The following HECTD4 variants were observed in gnomAD, a reference collection of about 807,000 sequenced individuals.
HECTD4 encodes probable E3 ubiquitin-protein ligase HECTD4.
HECTD4 carries 114 observed loss-of-function variants against 471.5 expected under a neutral mutation model. The observed-to-expected ratio is 0.24, with a 90% CI of 0.21 to 0.28. HECTD4 has a LOEUF of 0.28. HECTD4 is among the 10% of genes least tolerant of loss of function. HECTD4 has a pLI of 1.00. For synonymous variants in HECTD4, 2,012 were observed against 2,256.0 expected (o/e 0.89, Z 3.07); for missense variants, 3,866 against 5,651.5 (o/e 0.68, Z 10.13).
rs564158724 is a variant in HECTD4 at position 112,228,773 on chromosome 12, C to T, written c.6558G>A (p.Val2186=). Residue 2186 remains valine (V), a synonymous_variant, in exon 42 of 76, where the codon GTG becomes GTA. Coordinates refer to ENST00000682272, the MANE Select transcript of HECTD4 (RefSeq NM_001388303.1). The surrounding 1 kb of genome is among the most constrained non-coding windows in gnomAD (Gnocchi z 4.9). The stretch of plus-strand genomic sequence containing the variant: ...TACCTTCCTGTTCATTGATAGAAGC[C>T]ACTACTCCAATGCTTCCTGAAATTC... ...GRGISGSIGV[V]ASINEQEGIA... The T allele has an allele frequency of 1.2e-6, 2 of 1,613,634 alleles. No individual in the cohort carries two copies. Among genetic ancestry groups the T allele is most frequent in the South Asian group, 2.2e-5 (2 of 91,022 alleles).
rs570884833 is a variant in HECTD4 at position 112,291,170 on chromosome 12, T to A, written c.1336-7868A>T. On this transcript the variant is annotated intron_variant, in intron 7 of 75. Transcript: ENST00000682272. Reference sequence around the variant, plus strand: ...AAAGAAACATGTAAAAAATGTTTCTTTACAAAATTTTTCTTAATACTAAAA... The same window carrying A: ...AAAGAAACATGTAAAAAATGTTTCTATACAAAATTTTTCTTAATACTAAAA... Among the ~76,000 whole-genome samples, 11 of 152,192 alleles carry A rather than the reference T, an allele frequency of 7.2e-5. No homozygotes were observed. The South Asian group carries it at 2.3e-3, about 32-fold the overall frequency.
Position 112,382,182 on chromosome 12 carries a change from G to A in HECTD4, c.-54C>T, listed in dbSNP as rs1270773776. 3.3e-6 allele frequency: 4 copies of A among 1,203,654 alleles called. No individual in the cohort carries two copies. The East Asian group carries it at 1.0e-4, about 30-fold the overall frequency. The allele number at this position is 1,203,654 out of a possible 1,614,324, so 74.6% of individuals were successfully genotyped here. On this transcript the variant is annotated 5_prime_UTR_variant, in exon 1 of 76. Coordinates refer to ENST00000682272, the MANE Select transcript of HECTD4 (RefSeq NM_001388303.1). Reference sequence around the variant, plus strand: ...AGCAGACGCCCGGCCGGGGGAAACGGAGCAGGAGCCGCCGCGATCACCAGT... The same window carrying A: ...AGCAGACGCCCGGCCGGGGGAAACGAAGCAGGAGCCGCCGCGATCACCAGT...
chr12:112,262,513 C>G (rs1442444891), intron 17 of HECTD4, among the ~76,000 whole-genome samples: 2 of 32,198 alleles, frequency 6.2e-5, no homozygotes, highest in African/African-American at 9.6e-4. Context: ...GAGACTCCAT[C>G]TCAAAAAAAA....
At chr12:112,304,085 C>T (rs1335112164) in intron 7 of HECTD4, among the ~76,000 whole-genome samples, 1 of 151,460 alleles carries the variant, frequency 6.6e-6, no homozygotes, top group African/African-American at 2.4e-5. Flanking sequence ...AGGAGTGGGG[C>T]AAGGGTCTCC....
chr12:112,171,278 G>T lies in HECTD4; in HGVS notation c.11786-15C>A, dbSNP rs761819530. 2.1e-5 allele frequency: 34 copies of T among 1,591,576 alleles called. No individual in the cohort carries two copies. The highest frequency in any genetic ancestry group is 2.9e-5 in the Non-Finnish European group (34 of 1,169,866). On this transcript the variant is annotated splice_polypyrimidine_tract_variant and intron_variant, in intron 67 of 75. Coordinates refer to ENST00000682272, the MANE Select transcript of HECTD4 (RefSeq NM_001388303.1). The stretch of plus-strand genomic sequence containing the variant: ...GATGGGCACGTCTGAGGGCGCAGGA[G>T]CAGTCAGGCTGAGATCTCGGCCAGG...
chr12:112,184,643 G>T lies in HECTD4; in HGVS notation c.10323C>A (p.Thr3441=). The T allele has an allele frequency of 6.8e-6, 11 of 1,613,854 alleles. No individual in the cohort carries two copies. Among genetic ancestry groups the T allele is most frequent in the Non-Finnish European group, 8.5e-6 (10 of 1,179,880 alleles). The change falls in exon 61 of 76, where the codon ACC becomes ACA. Residue 3441 remains threonine (T), a synonymous_variant. Coordinates refer to ENST00000682272, the MANE Select transcript of HECTD4 (RefSeq NM_001388303.1). The surrounding 1 kb of genome is among the most constrained non-coding windows in gnomAD (Gnocchi z 9.1). ...EIYIPLQEED[T]KKPKDKAEGG... ...CCTCGGCCTTGTCTTTTGGCTTCTT[G>T]GTGTCTTCTTCCTGCAGCGGGATGT...
At chr12:112,295,565 C>T (rs1034045209) in intron 7 of HECTD4, among the ~76,000 whole-genome samples, 1 of 150,666 alleles carries the variant, frequency 6.6e-6, no homozygotes, top group Admixed American at 6.6e-5. Flanking sequence ...ATCTTGAACT[C>T]CTGGCTTCAA....
chr12:112,307,034 A>G (rs1187180735), intron 6 of HECTD4, among the ~76,000 whole-genome samples: 1 of 152,220 alleles, frequency 6.6e-6, no homozygotes, highest in Non-Finnish European at 1.5e-5. Flanking sequence ...ATGACTGAAC[A>G]TTAGAACCAC....
At position 112,169,907 on chromosome 12, in the gene HECTD4, T is replaced by C. The variant is rs574295101; in HGVS notation, c.12053-249A>G. The C allele has an allele frequency of 8.5e-6, 5 of 590,486 alleles. No individual in the cohort carries two copies. In the South Asian group the frequency reaches 9.9e-5, roughly 12 times the overall value. The allele number at this position is 590,486 out of a possible 1,614,324, so 36.6% of individuals were successfully genotyped here. A position where few individuals can be genotyped will look rare whatever the true frequency, so the allele number is the denominator to read the frequency against. On this transcript the variant is annotated intron_variant, in intron 69 of 75. Transcript: ENST00000682272. Reference sequence around the variant, plus strand: ...TGGCCCCTTCTCATCTTCTAGAGGCTTCCCTCTGCCTCTTGGGGAGGTCCT... The same window carrying C: ...TGGCCCCTTCTCATCTTCTAGAGGCCTCCCTCTGCCTCTTGGGGAGGTCCT...
intron 54 of HECTD4, chr12:112,201,236 C>T: frequency 2.9e-6 from 1 of 347,682 alleles, no homozygotes; most frequent in Non-Finnish European, 5.6e-6. Context: ...TGGGACTAGG[C>T]ACCCACCACT....
intron 5 of HECTD4, 33 bp from the exon 6 acceptor site, chr12:112,308,924 C>T: frequency 6.5e-7 from 1 of 1,528,464 alleles, no homozygotes; most frequent in Non-Finnish European, 8.7e-7. Flanking sequence ...GGCTGAATCA[C>T]CTGGCTATGT....
chr12:112,379,717 T>TATATATATA (rs373474769), intron 1 of HECTD4, among the ~76,000 whole-genome samples: 2 of 147,418 alleles, frequency 1.4e-5, no homozygotes, highest in African/African-American at 5.0e-5. Flanking sequence ...AAAAGATTTT[T>TATATATATA]TATATATATA....
chr12:112,243,857 G>A lies in HECTD4; in HGVS notation c.4649+17C>T, dbSNP rs748049072. ...CAGCTGCATGTGGGAACCCAACCCCGGCCATTAGCCATTTACCTCTGATTT... is the reference window on the plus strand; with the variant it reads ...CAGCTGCATGTGGGAACCCAACCCCAGCCATTAGCCATTTACCTCTGATTT... On this transcript the variant is annotated intron_variant, in intron 30 of 75. Transcript: ENST00000682272. The surrounding 1 kb of genome is among the most constrained non-coding windows in gnomAD (Gnocchi z 6.6). The A allele has an allele frequency of 6.7e-5, 108 of 1,612,770 alleles. 1 individual carries two copies. The South Asian group carries it at 1.0e-3, about 15-fold the overall frequency.
chr12:112,341,081 T>C (rs1337294380), intron 1 of HECTD4, among the ~76,000 whole-genome samples: 2 of 152,214 alleles, frequency 1.3e-5, no homozygotes, highest in Non-Finnish European at 2.9e-5. Context: ...TATAGCTTTG[T>C]CTGTTTTGCT....
rs1373046341 is a variant in HECTD4, at chr12:112,324,085, T to TC, written c.178-4344dup. On this transcript the variant is annotated intron_variant, in intron 1 of 75. Coordinates refer to ENST00000682272, the MANE Select transcript of HECTD4 (RefSeq NM_001388303.1). ...TTCTTTCTTTCTTTCTTTCTTTCTT[T>TC]CTTTCTTTCTTTCTTTCCTCTCTCT... 0.026 allele frequency among the ~76,000 whole-genome samples: 2,589 copies of TC among 99,122 alleles called. 683 individuals carry two copies. In the East Asian group the frequency reaches 0.37, roughly 14 times the overall value. The allele number at this position is 99,122 out of a possible 152,430, so 65.0% of individuals were successfully genotyped here. A position where few individuals can be genotyped will look rare whatever the true frequency, so the allele number is the denominator to read the frequency against.
Position 112,160,254 on chromosome 12 carries a change from A to C in HECTD4, c.*2133T>G, listed in dbSNP as rs2030645838. 6.6e-6 allele frequency: 1 copy of C among 152,234 alleles called. No individual in the cohort carries two copies. Among genetic ancestry groups the C allele is most frequent in the Admixed American group, 6.5e-5 (1 of 15,286 alleles). The allele number at this position is 152,234 out of a possible 1,614,324, so 9.4% of individuals were successfully genotyped here. A position where few individuals can be genotyped will look rare whatever the true frequency, so the allele number is the denominator to read the frequency against. ...CAGCACTTAAATATCAGAGCCATCCAAGCATGCCAGCCTTTGAACTTGCTC... is the reference window on the plus strand; with the variant it reads ...CAGCACTTAAATATCAGAGCCATCCCAGCATGCCAGCCTTTGAACTTGCTC... On this transcript the variant is annotated 3_prime_UTR_variant, in exon 76 of 76. Transcript: ENST00000682272.
intron 8 of HECTD4, among the ~76,000 whole-genome samples, chr12:112,281,137 CTTAGTTTA>C (rs1458063613): frequency 1.3e-5 from 2 of 152,044 alleles, no homozygotes; most frequent in African/African-American, 4.8e-5. Context: ...TGAAAAGTTT[CTTAGTTTA>C]TAACTGGTGA....
rs571471525 is a variant in HECTD4 at position 112,352,195 on chromosome 12, G to C, written c.177+29757C>G. Among the ~76,000 whole-genome samples, 5 of 152,182 alleles carry C rather than the reference G, an allele frequency of 3.3e-5. No homozygotes were observed. In the South Asian group the frequency reaches 1.0e-3, roughly 32 times the overall value. On this transcript the variant is annotated intron_variant, in intron 1 of 75. Coordinates refer to ENST00000682272, the MANE Select transcript of HECTD4 (RefSeq NM_001388303.1). ...GAAAATACCTATGGTGGCGAGGAGGGGACATCAGAAGAATATGAGTTAGGG... is the reference window on the plus strand; with the variant it reads ...GAAAATACCTATGGTGGCGAGGAGGCGACATCAGAAGAATATGAGTTAGGG...
intron 48 of HECTD4, among the ~76,000 whole-genome samples, chr12:112,215,896 A>G (rs2032904248): frequency 6.6e-6 from 1 of 152,040 alleles, no homozygotes; most frequent in African/African-American, 2.4e-5. Context: ...GCCTCCCCAA[A>G]TGCTGGAATT....
Sources: allele counts gnomAD v4.1 joint callset (sites outside exome capture counted in the v4.1 genomes callset), GRCh38; gene constraint gnomAD v4.1.1; non-coding constraint Gnocchi (gnomAD v3.1); transcripts MANE v1.5; gene names NCBI Gene and HGNC (gene_info 2026-07-23, HGNC 2026-07-21).